Variants in KAZN observed in about 807,000 individuals in gnomAD.
KAZN encodes the protein kazrin, periplakin interacting protein.
Under a neutral mutation model 87.4 loss-of-function variants are expected in KAZN, and 40 were observed. The ratio of observed to expected loss-of-function variants is 0.46; its 90% CI spans 0.36 to 0.60. The LOEUF (loss-of-function observed/expected upper bound fraction) is 0.60, where lower values mean the gene tolerates loss of function less well. KAZN is among the 20% of genes least tolerant of loss of function. KAZN has a pLI of 0.00. For synonymous variants in KAZN, 466 were observed against 458.3 expected (o/e 1.02, Z -0.22); for missense variants, 898 against 1,073.9 (o/e 0.84, Z 2.29).
intron 1 of KAZN, among the ~76,000 whole-genome samples, chr1:14,102,126 A>C (rs1428722175): frequency 2.6e-5 from 4 of 152,144 alleles, no homozygotes; most frequent in Non-Finnish European, 5.9e-5. Context: ...CCCTTGACTT[A>C]TTTAAAAGCC....
chr1:14,360,063 C>A (rs966410902), intron 2 of KAZN, among the ~76,000 whole-genome samples: 3 of 152,194 alleles, frequency 2.0e-5, no homozygotes, highest in African/African-American at 4.8e-5. Context: ...CTCCCCTTCA[C>A]TTTCAGGTAC....
At chr1:13,973,955 TA>T (rs1363463468) in intron 1 of KAZN, among the ~76,000 whole-genome samples, 3 of 152,204 alleles carry the variant, frequency 2.0e-5, no homozygotes, top group Non-Finnish European at 4.4e-5. Flanking sequence ...CATATCGTCA[TA>T]CTCACAGCTA....
chr1:13,905,453 G>T (rs1385213646), intron 1 of KAZN, among the ~76,000 whole-genome samples: 2 of 152,134 alleles, frequency 1.3e-5, no homozygotes, highest in Non-Finnish European at 2.9e-5. Flanking sequence ...GAGGTATTAA[G>T]GGAGATCACT....
In KAZN at chr1:15,046,397, G is replaced by A. The variant is rs555722347; in HGVS notation, c.726+2238G>A. ...AGGTCTTCATCCTCGTTGTCTTCAC[G>A]CTGAGTGGCTGAGGAGGAGGAGGGA... is the stretch of plus-strand genomic sequence containing the variant. On this transcript the variant is annotated intron_variant, in intron 4 of 14. Coordinates refer to ENST00000376030, the MANE Select transcript of KAZN (RefSeq NM_201628.3). Among the ~76,000 whole-genome samples the A allele has an allele frequency of 1.4e-4, 22 of 152,154 alleles. No homozygotes were observed. In the East Asian group the frequency reaches 2.7e-3, roughly 19 times the overall value.
chr1:14,750,624 A>C (rs991466309), intron 1 of KAZN, among the ~76,000 whole-genome samples: 2 of 152,074 alleles, frequency 1.3e-5, no homozygotes, highest in Admixed American at 6.5e-5. Flanking sequence ...GACCTTTAAA[A>C]CCCATTTGTC....
intron 2 of KAZN, among the ~76,000 whole-genome samples, chr1:14,414,138 TAG>T (rs1302711666): frequency 6.6e-6 from 1 of 152,164 alleles, no homozygotes; most frequent in Non-Finnish European, 1.5e-5. Context: ...GGTGAGGATG[TAG>T]AGACATAGGA....
intron 1 of KAZN, among the ~76,000 whole-genome samples, chr1:14,108,107 C>A (rs1644418973): frequency 6.6e-6 from 1 of 152,142 alleles, no homozygotes; most frequent in Non-Finnish European, 1.5e-5. Flanking sequence ...GCTCTAGAAG[C>A]TTGCCGTGGC....
chr1:14,055,214 G>A (rs1284774215), intron 1 of KAZN, among the ~76,000 whole-genome samples: 5 of 152,186 alleles, frequency 3.3e-5, no homozygotes, highest in Non-Finnish European at 7.3e-5. Context: ...GACAAAATTA[G>A]ACCTATTTCA....
chr1:14,756,428 A>G (rs1289936659), intron 1 of KAZN, among the ~76,000 whole-genome samples: 1 of 152,170 alleles, frequency 6.6e-6, no homozygotes, highest in African/African-American at 2.4e-5. Context: ...TGTCCCTGCA[A>G]ATGTGATTGT....
chr1:14,172,833 G>A (rs146073451), intron 1 of KAZN, among the ~76,000 whole-genome samples: 214 of 152,256 alleles, frequency 1.4e-3, no homozygotes, highest in Non-Finnish European at 2.6e-3. Context: ...TTTTTCACTC[G>A]TGTATCTGGC....
At chr1:14,890,608 A>G (rs1246806667) in intron 1 of KAZN, among the ~76,000 whole-genome samples, 1 of 152,180 alleles carries the variant, frequency 6.6e-6, no homozygotes, top group Non-Finnish European at 1.5e-5. Context: ...CGTGAATCAG[A>G]GTCCTCTTGT....
At chr1:13,970,139 G>A (rs1279399796) in intron 1 of KAZN, among the ~76,000 whole-genome samples, 2 of 152,186 alleles carry the variant, frequency 1.3e-5, no homozygotes, top group East Asian at 3.9e-4. Context: ...AAAAGAGGCT[G>A]AAAGGTCAAA....
chr1:14,718,535 T>C (rs1642925435), intron 1 of KAZN, among the ~76,000 whole-genome samples: 1 of 152,238 alleles, frequency 6.6e-6, no homozygotes, highest in South Asian at 2.1e-4. Flanking sequence ...AGAATAATTT[T>C]CTCTGAATTA....
intron 2 of KAZN, among the ~76,000 whole-genome samples, chr1:14,279,987 C>A (rs1652714906): frequency 1.3e-5 from 2 of 152,128 alleles, no homozygotes; most frequent in Admixed American, 1.3e-4. Flanking sequence ...CCCCAAAAAT[C>A]CAGATGTCAA....
chr1:14,445,166 C>T (rs972359434), intron 2 of KAZN, among the ~76,000 whole-genome samples: 1 of 152,074 alleles, frequency 6.6e-6, no homozygotes, highest in Non-Finnish European at 1.5e-5. Context: ...GCTGGGATTA[C>T]AGGCATGGGC....
chr1:13,956,180 C>A (rs1036130538), intron 1 of KAZN, among the ~76,000 whole-genome samples: 1 of 152,218 alleles, frequency 6.6e-6, no homozygotes, highest in Admixed American at 6.5e-5. Flanking sequence ...CCCTTGCTGG[C>A]ATTCCCTCTT....
chr1:14,962,876 A>G (rs12564712), intron 2 of KAZN, among the ~76,000 whole-genome samples: 10,630 of 152,130 alleles, frequency 0.07, 516 homozygotes, highest in Middle Eastern at 0.17. Context: ...AGGCTCACTT[A>G]CACTACCATC....
chr1:14,727,094 T>G (rs1029859356), intron 1 of KAZN, among the ~76,000 whole-genome samples: 2 of 152,172 alleles, frequency 1.3e-5, no homozygotes, highest in Non-Finnish European at 2.9e-5. Context: ...TTTCCTATGA[T>G]GTCTCTTTTG....
chr1:14,302,708 T>G (rs1654637686), intron 2 of KAZN, among the ~76,000 whole-genome samples: 1 of 152,118 alleles, frequency 6.6e-6, no homozygotes, highest in Admixed American at 6.5e-5. Context: ...CAGTCTATGA[T>G]CTCCAAAAAA....
Sources: allele counts gnomAD v4.1 joint callset (sites outside exome capture counted in the v4.1 genomes callset), GRCh38; gene constraint gnomAD v4.1.1; transcripts MANE v1.5; gene names NCBI Gene and HGNC (gene_info 2026-07-23, HGNC 2026-07-21).